FHOD3: variants seen among roughly 807,000 people sequenced by gnomAD.
FHOD3 encodes FH1/FH2 domain-containing protein 3.
A neutral mutation model predicts 173.0 loss-of-function variants in FHOD3; 90 were observed. That is an observed-to-expected ratio of 0.52 (90% CI 0.44 to 0.62). FHOD3 has a LOEUF of 0.62. Ranked by LOEUF, FHOD3 falls within the 20% of genes least tolerant of loss-of-function variation. FHOD3 has a pLI of 0.00. For synonymous variants in FHOD3, 828 were observed against 823.0 expected (o/e 1.01, Z -0.10); for missense variants, 1,945 against 2,034.7 (o/e 0.96, Z 0.85).
At chr18:36,536,322 A>G (rs1365439410) in intron 5 of FHOD3, among the ~76,000 whole-genome samples, 1 of 152,206 alleles carries the variant, frequency 6.6e-6, no homozygotes, top group Non-Finnish European at 1.5e-5. Context: ...ACAGTCTCTT[A>G]GTATTTAGAA....
chr18:36,613,297 C>T (rs572820754), intron 9 of FHOD3, among the ~76,000 whole-genome samples: 13 of 152,348 alleles, frequency 8.5e-5, no homozygotes, highest in Admixed American at 2.0e-4. Flanking sequence ...TCACCCGTGA[C>T]GCCGGTTCTG....
intron 5 of FHOD3, among the ~76,000 whole-genome samples, chr18:36,538,160 A>G (rs2057069884): frequency 6.6e-6 from 1 of 152,226 alleles, no homozygotes; most frequent in Non-Finnish European, 1.5e-5. Context: ...AATACAACAT[A>G]TCAAAACTTA....
chr18:36,442,173 C>G (rs1568276884), intron 3 of FHOD3, among the ~76,000 whole-genome samples: 1 of 152,194 alleles, frequency 6.6e-6, no homozygotes, highest in South Asian at 2.1e-4. Context: ...GATTCCCTTT[C>G]CCCATTGCTC....
intron 3 of FHOD3, among the ~76,000 whole-genome samples, chr18:36,373,736 T>C (rs369442253): frequency 6.6e-6 from 1 of 152,252 alleles, no homozygotes; most frequent in African/African-American, 2.4e-5. Context: ...GTAAGATCTG[T>C]AGGACCTCCA....
intron 5 of FHOD3, among the ~76,000 whole-genome samples, chr18:36,518,871 T>A (rs1429930849): frequency 6.6e-6 from 1 of 152,134 alleles, no homozygotes; most frequent in Non-Finnish European, 1.5e-5. Context: ...CTGACCTCCA[T>A]CTGGCCTCTC....
chr18:36,536,487 T>A (rs1014673359), intron 5 of FHOD3, among the ~76,000 whole-genome samples: 11 of 152,174 alleles, frequency 7.2e-5, no homozygotes, highest in African/African-American at 2.7e-4. Flanking sequence ...TAGACAGGGG[T>A]CACATCGCTG....
intron 5 of FHOD3, among the ~76,000 whole-genome samples, chr18:36,574,226 A>G (rs1288196894): frequency 1.3e-5 from 2 of 152,202 alleles, no homozygotes; most frequent in Non-Finnish European, 1.5e-5. Context: ...TTGCCCTACC[A>G]CCAGCAATGC....
At chr18:36,684,659 C>A (rs2038483744) in intron 15 of FHOD3, among the ~76,000 whole-genome samples, 1 of 152,248 alleles carries the variant, frequency 6.6e-6, no homozygotes, top group African/African-American at 2.4e-5. Context: ...ATTTTCCTAC[C>A]TGAAAACTAA....
intron 14 of FHOD3, among the ~76,000 whole-genome samples, chr18:36,675,522 G>A (rs1383465004): frequency 1.3e-5 from 2 of 152,110 alleles, no homozygotes; most frequent in Non-Finnish European, 2.9e-5. Context: ...GATTAACTCA[G>A]CCTTCTGTGC....
At chr18:36,707,834 C>T (rs2039967476) in intron 17 of FHOD3, among the ~76,000 whole-genome samples, 1 of 152,270 alleles carries the variant, frequency 6.6e-6, no homozygotes, top group Middle Eastern at 3.4e-3. Flanking sequence ...TGCGTAGACC[C>T]TGCCAGAATT....
intron 5 of FHOD3, among the ~76,000 whole-genome samples, chr18:36,558,928 A>G (rs1319891472): frequency 1.3e-5 from 2 of 152,008 alleles, no homozygotes; most frequent in East Asian, 3.9e-4. Context: ...CTGCACTCAT[A>G]CCCACATTCA....
chr18:36,589,434 A>G lies in FHOD3; in HGVS notation c.607-5353A>G, dbSNP rs573426538. On this transcript the variant is annotated intron_variant, in intron 6 of 28. Transcript: ENST00000590592. ...GGTTGTTTGTGTGAACAGGACCCCA[A>G]AAGCCATCACATGGTTCTTTTGCTC... is the stretch of plus-strand genomic sequence containing the variant. 9.7e-4 allele frequency among the ~76,000 whole-genome samples: 147 copies of G among 152,314 alleles called. 1 individual carries two copies. The highest frequency in any genetic ancestry group is 3.4e-3 in the African/African-American group (142 of 41,564).
In FHOD3 at chr18:36,550,855, C is replaced by T. The variant is rs150652538; in HGVS notation, c.512-25596C>T. Among the ~76,000 whole-genome samples the T allele has an allele frequency of 3.3e-3, 508 of 152,162 alleles. 2 individuals are homozygous for T. Among genetic ancestry groups the T allele is most frequent in the African/African-American group, 0.012 (483 of 41,538 alleles). On this transcript the variant is annotated intron_variant, in intron 5 of 28. Transcript: ENST00000590592. ...ATAGGATCTTCTCAGATGATCATGTCGTCTGTGAATAAAGCCAGCTTTACC... is the reference window on the plus strand; with the variant it reads ...ATAGGATCTTCTCAGATGATCATGTTGTCTGTGAATAAAGCCAGCTTTACC...
At chr18:36,654,436 T>C (rs765571087) in intron 13 of FHOD3, among the ~76,000 whole-genome samples, 3 of 152,192 alleles carry the variant, frequency 2.0e-5, no homozygotes, top group African/African-American at 4.8e-5. Flanking sequence ...GTTGATATAA[T>C]TTGTCTATTG....
At position 36,612,065 on chromosome 18, in the gene FHOD3, G is replaced by T; in HGVS notation, c.927G>T (p.Leu309=). The change falls in exon 9 of 29, where the codon CTG becomes CTT. Residue 309 remains leucine, a synonymous_variant. Transcript: ENST00000590592. The part of the protein sequence containing the change: ...QRHLNKKGTD[L]DLVEQLNIYE... ...ACTTGAACAAGAAAGGGACTGACCTGGACTTAGTGGAGCAACTCAACATTT... is the reference window on the plus strand; with the variant it reads ...ACTTGAACAAGAAAGGGACTGACCTTGACTTAGTGGAGCAACTCAACATTT... 1 of 1,614,040 alleles carries T rather than the reference G, an allele frequency of 6.2e-7. No homozygotes were observed. The highest frequency in any genetic ancestry group is 8.5e-7 in the Non-Finnish European group (1 of 1,179,976).
At chr18:36,502,844 T>C (rs1441597982) in intron 4 of FHOD3, among the ~76,000 whole-genome samples, 1 of 152,214 alleles carries the variant, frequency 6.6e-6, no homozygotes, top group Admixed American at 6.5e-5. Flanking sequence ...TATTCTTTTG[T>C]ATGAACTGTA....
intron 2 of FHOD3, among the ~76,000 whole-genome samples, chr18:36,360,562 C>A (rs1448658016): frequency 6.6e-6 from 1 of 152,144 alleles, no homozygotes; most frequent in African/African-American, 2.4e-5. Flanking sequence ...CATGCAGAGT[C>A]CCATCTGCAG....
intron 5 of FHOD3, among the ~76,000 whole-genome samples, chr18:36,530,128 C>T (rs1482436543): frequency 1.3e-5 from 2 of 152,116 alleles, no homozygotes; most frequent in East Asian, 3.9e-4. Context: ...CCTTATCAGT[C>T]GTGTTTGTAA....
At chr18:36,621,942 T>C (rs1033970318) in intron 9 of FHOD3, among the ~76,000 whole-genome samples, 1 of 152,210 alleles carries the variant, frequency 6.6e-6, no homozygotes, top group African/African-American at 2.4e-5. Context: ...CCAACCAAAA[T>C]GTCCAATGAT....
Sources: gnomAD v4.1 joint callset for allele counts (sites outside exome capture counted in the v4.1 genomes callset) on GRCh38, gnomAD v4.1.1 for gene constraint, MANE v1.5 for transcripts, NCBI Gene and HGNC (gene_info 2026-07-23, HGNC 2026-07-21) for gene names.